The following CYP4F12 variants were observed in gnomAD, a reference collection of about 807,000 sequenced individuals.
CYP4F12 encodes cytochrome P450 family 4 subfamily F member 12.
Under a neutral mutation model 56.5 loss-of-function variants are expected in CYP4F12, and 60 were observed. The ratio of observed to expected loss-of-function variants is 1.06; its 90% CI spans 0.86 to 1.32. The LOEUF (loss-of-function observed/expected upper bound fraction) is 1.32. CYP4F12 is among the 40% of genes most tolerant of loss of function. CYP4F12 has a pLI of 0.00. For missense variants in CYP4F12, 711 were observed against 683.5 expected, an observed-to-expected ratio of 1.04 and a Z score of -0.45; for synonymous variants, 263 against 264.9, an observed-to-expected ratio of 0.99 and a Z score of 0.07.
intron 9 of CYP4F12, among the ~76,000 whole-genome samples, chr19:15,689,433 T>C (rs1380759203): frequency 6.6e-6 from 1 of 152,200 alleles, no homozygotes; most frequent in Non-Finnish European, 1.5e-5. Flanking sequence ...TCTACAAGAA[T>C]GGCCATAATT....
In CYP4F12 at chr19:15,685,150, G is replaced by A. The variant is rs2007538747; in HGVS notation, c.1068G>A (p.Gln356=). Residue 356 remains glutamine, a synonymous_variant, in exon 9 of 13, where the codon CAG becomes CAA. Coordinates refer to ENST00000550308, the MANE Select transcript of CYP4F12 (RefSeq NM_023944.4). ...RHPEYQERCR[Q]EVQELLKDRD... ...CAGAATACCAGGAGCGCTGCCGACA[G>A]GAGGTGCAAGAGCTTCTGAAGGACC... 6.2e-7 allele frequency: 1 copy of A among 1,613,988 alleles called. No homozygotes were observed. The highest frequency in any genetic ancestry group is 1.3e-5 in the African/African-American group (1 of 74,934).
chr19:15,678,561 C>G, intron 3 of CYP4F12, 156 bp downstream of exon 3: 1 of 1,011,008 alleles, frequency 9.9e-7, no homozygotes, highest in East Asian at 2.6e-5. Flanking sequence ...TCTTGGTGTT[C>G]TGGGCACCAC....
chr19:15,692,941 T>G (rs641272), intron 9 of CYP4F12, among the ~76,000 whole-genome samples: 42,943 of 151,760 alleles, frequency 0.28, 6,574 homozygotes, highest in African/African-American at 0.4. Context: ...AGCTGGCTGT[T>G]GTGGTGAATG....
chr19:15,677,624 A>C (rs201196025), intron 2 of CYP4F12, among the ~76,000 whole-genome samples: 1 of 69,168 alleles, frequency 1.4e-5, no homozygotes, highest in Non-Finnish European at 2.9e-5. Context: ...TCACTCACTC[A>C]TTCCTCTCCT....
intron 9 of CYP4F12, among the ~76,000 whole-genome samples, chr19:15,693,090 A>G (rs554122170): frequency 5.7e-4 from 87 of 152,270 alleles, no homozygotes; most frequent in Non-Finnish European, 1.0e-3. Context: ...CCATCAAAAA[A>G]GATACAGAAT....
chr19:15,695,823 C>T, intron 9 of CYP4F12, 113 bp from the exon 10 acceptor site: 3 of 1,390,598 alleles, frequency 2.2e-6, no homozygotes, highest in Non-Finnish European at 2.8e-6. Context: ...AATGTTTGAT[C>T]CCCGTGGAGT....
chr19:15,683,666 G>C lies in CYP4F12; in HGVS notation c.821G>C (p.Arg274Pro). 1.9e-6 allele frequency: 3 copies of C among 1,613,592 alleles called. No homozygotes were observed. Among genetic ancestry groups the C allele is most frequent in the Non-Finnish European group, 2.5e-6 (3 of 1,179,788 alleles). ...HDFTDAVIRE[R>P]RRTLPTQGID... ...TTCACAGACGCTGTCATCCGGGAGC[G>C]GCGTCGCACCCTCCCCACTCAGGGT... Residue 274 changes from arginine to proline, a missense_variant, in exon 7 of 13, where the codon CGG becomes CCG. By Grantham distance (103) the Arg-to-Pro change is moderately radical. Transcript: ENST00000550308.
intron 9 of CYP4F12, among the ~76,000 whole-genome samples, chr19:15,687,883 T>C (rs2007694487): frequency 6.6e-6 from 1 of 152,126 alleles, no homozygotes; most frequent in Admixed American, 6.6e-5. Flanking sequence ...CTTGGGGAAG[T>C]CAGACAACTA....
intron 9 of CYP4F12, among the ~76,000 whole-genome samples, chr19:15,689,621 A>G (rs996783227): frequency 6.6e-6 from 1 of 152,262 alleles, no homozygotes; most frequent in Non-Finnish European, 1.5e-5. Flanking sequence ...CCCAAAGGAA[A>G]AGTGATTATA....
At chr19:15,675,779 G>A (rs1429459460) in intron 2 of CYP4F12, among the ~76,000 whole-genome samples, 2 of 152,160 alleles carry the variant, frequency 1.3e-5, no homozygotes, top group Admixed American at 6.5e-5. Flanking sequence ...CGGTGGCTGT[G>A]GGGGGACTTG....
intron 9 of CYP4F12, among the ~76,000 whole-genome samples, chr19:15,694,878 A>G (rs560557908): frequency 6.6e-6 from 1 of 152,362 alleles, no homozygotes; most frequent in African/African-American, 2.4e-5. Flanking sequence ...ATGTGGAGAA[A>G]TAGGAACACT....
At position 15,696,937 on chromosome 19, in the gene CYP4F12, CGGA is replaced by C; in HGVS notation, c.1429_1431del (p.Glu477del). 6.2e-7 allele frequency: 1 copy of C among 1,613,840 alleles called. No individual in the cohort carries two copies. Among genetic ancestry groups the C allele is most frequent in the Non-Finnish European group, 8.5e-7 (1 of 1,179,822 alleles). On this transcript the variant is annotated inframe_deletion, in exon 13 of 13. Transcript: ENST00000550308. ...TGCATCGGGCAGGCGTTCGCCATGG[CGGA>C]GATGAAAGTGGTCCTGGCGTTGATG...
chr19:15,680,060 T>C (rs577717816), intron 3 of CYP4F12, among the ~76,000 whole-genome samples, 184 bp from the exon 4 acceptor site: 1 of 152,336 alleles, frequency 6.6e-6, no homozygotes, highest in South Asian at 2.1e-4. Context: ...TGTCATAGCT[T>C]TACTGTGCTG....
chr19:15,693,607 G>A (rs649724), intron 9 of CYP4F12, among the ~76,000 whole-genome samples: 30,135 of 132,170 alleles, frequency 0.23, 4,010 homozygotes, highest in African/African-American at 0.33. Context: ...CAGATGAGTA[G>A]GTTGCGAAAA....
At chr19:15,673,376 G>A in intron 1 of CYP4F12, 153 bp from the exon 2 acceptor site, 1 of 831,970 alleles carries the variant, frequency 1.2e-6, no homozygotes, top group Non-Finnish European at 1.9e-6. Flanking sequence ...TTTTGGTTGG[G>A]ACTTTCTGGA....
rs377656084 is a variant in CYP4F12 at position 15,682,400 on chromosome 19, G to A, written c.537G>A (p.Gln179=). The A allele has an allele frequency of 2.9e-5, 47 of 1,613,018 alleles. No individual in the cohort carries two copies. The highest frequency in any genetic ancestry group is 3.5e-5 in the Non-Finnish European group (41 of 1,179,276). Residue 179 remains glutamine, a synonymous_variant, in exon 6 of 13, where the codon CAG becomes CAA. Coordinates refer to ENST00000550308, the MANE Select transcript of CYP4F12 (RefSeq NM_023944.4). ...CCTTCTCTGGCCAGGACAAGTGGCA[G>A]CACCTGGCCTCAGAGGGCAGCAGTC... The part of the protein sequence containing the change: ...KSANIMLDKW[Q]HLASEGSSRL...
intron 3 of CYP4F12, among the ~76,000 whole-genome samples, chr19:15,679,597 A>C (rs577594811): frequency 6.6e-6 from 1 of 152,238 alleles, no homozygotes; most frequent in African/African-American, 2.4e-5. Flanking sequence ...CATGTCAGAG[A>C]CTTTCTGGTT....
rs1228531727 is a variant in CYP4F12 at position 15,673,512 on chromosome 19, T to TC, written c.-1-13dup. On this transcript the variant is annotated splice_polypyrimidine_tract_variant and intron_variant, in intron 1 of 12. Coordinates refer to ENST00000550308, the MANE Select transcript of CYP4F12 (RefSeq NM_023944.4). ...CTGGGCCTCAGGTCCTCACCCTGCA[T>TC]CCCCTCTGCCCTGCAGGATGTCGCT... 4.3e-6 allele frequency: 7 copies of TC among 1,611,346 alleles called. No homozygotes were observed. The highest frequency in any genetic ancestry group is 5.9e-6 in the Non-Finnish European group (7 of 1,179,452).
chr19:15,694,249 G>A (rs1355304893), intron 9 of CYP4F12, among the ~76,000 whole-genome samples: 1 of 151,992 alleles, frequency 6.6e-6, no homozygotes, highest in African/African-American at 2.4e-5. Flanking sequence ...GCTTGATGGG[G>A]ATGGCATTGA....
Sources: allele counts gnomAD v4.1 joint callset (sites outside exome capture counted in the v4.1 genomes callset), GRCh38; gene constraint gnomAD v4.1.1; transcripts MANE v1.5; gene names NCBI Gene and HGNC (gene_info 2026-07-23, HGNC 2026-07-21).